The following BLOC1S6 variants were observed in gnomAD, a reference collection of about 807,000 sequenced individuals.
BLOC1S6 encodes biogenesis of lysosomal organelles complex 1 subunit 6, also known as biogenesis of lysosome-related organelles complex 1 subunit 6.
BLOC1S6 carries 24 observed loss-of-function variants against 24.7 expected under a neutral mutation model. That is an observed-to-expected ratio of 0.97 (90% confidence interval 0.70 to 1.37). The LOEUF (loss-of-function observed/expected upper bound fraction) is 1.37. Ranked by LOEUF, BLOC1S6 falls within the 40% of genes most tolerant of loss-of-function variation. The pLI is 0.00. For synonymous variants in BLOC1S6, 76 were observed against 72.6 expected (o/e 1.05, Z -0.23); for missense variants, 175 against 196.2 (o/e 0.89, Z 0.64).
rs1471200238 is a variant in BLOC1S6, at chr15:45,609,532, CAGTA to C, written c.*3023_*3026del. The C allele has an allele frequency of 6.6e-6, 1 of 152,064 alleles. No homozygotes were observed. The highest frequency in any genetic ancestry group is 2.4e-5 in the African/African-American group (1 of 41,390). 9.4% of individuals were successfully genotyped at this position (152,064 alleles called of 1,614,324 possible). A position where few individuals can be genotyped will look rare whatever the true frequency, so the allele number is the denominator to read the frequency against. Reference sequence around the variant, plus strand: ...GGGAGTTCATTTTGTATTTACTTTGCAGTAAGTATCATGTAAATATGCAAATGTT... The same window carrying C: ...GGGAGTTCATTTTGTATTTACTTTGCAGTATCATGTAAATATGCAAATGTT... On this transcript the variant is annotated 3_prime_UTR_variant, in exon 5 of 5. Transcript: ENST00000220531.
chr15:45,608,734 T>A lies in BLOC1S6; in HGVS notation c.*2220T>A, dbSNP rs1894571118. The A allele has an allele frequency of 6.6e-6, 1 of 152,178 alleles. No homozygotes were observed. The highest frequency in any genetic ancestry group is 1.5e-5 in the Non-Finnish European group (1 of 68,026). 9.4% of individuals were successfully genotyped at this position (152,178 alleles called of 1,614,324 possible). ...TATGATGTGGATCCTACGTATTTTT[T>A]AAAAAACTCTCCAGATAATTTTGAT... is the stretch of plus-strand genomic sequence containing the variant. On this transcript the variant is annotated 3_prime_UTR_variant, in exon 5 of 5. Coordinates refer to ENST00000220531, the MANE Select transcript of BLOC1S6 (RefSeq NM_012388.4).
At chr15:45,587,197 C>G, upstream of BLOC1S6, 1 of 573,102 alleles carries the variant, frequency 1.7e-6, no homozygotes, top group Non-Finnish European at 3.1e-6. Context: ...GGGACTCGAG[C>G]CCCACACTGC....
intron 2 of BLOC1S6, among the ~76,000 whole-genome samples, chr15:45,594,142 T>C (rs1468455258): frequency 6.6e-6 from 1 of 152,110 alleles, no homozygotes; most frequent in African/African-American, 2.4e-5. Context: ...AAACCTTTGG[T>C]AAAGCCTCTT....
intron 2 of BLOC1S6, among the ~76,000 whole-genome samples, chr15:45,601,633 T>C (rs1235067467): frequency 6.8e-6 from 1 of 146,880 alleles, no homozygotes; most frequent in Non-Finnish European, 1.5e-5. Flanking sequence ...ACTAATACTT[T>C]GGGGTTTTTT....
At chr15:45,604,971 T>C (rs983270704) in intron 3 of BLOC1S6, among the ~76,000 whole-genome samples, 1 of 152,190 alleles carries the variant, frequency 6.6e-6, no homozygotes, top group Non-Finnish European at 1.5e-5. Context: ...TCCACAGTCC[T>C]TTCTGTCCAG....
Position 45,603,150 on chromosome 15 carries a change from T to G in BLOC1S6, c.275T>G (p.Phe92Cys), listed in dbSNP as rs766453080. ...LDTLEQEISK[F>C]KECHSMLDIN... is the part of the protein sequence containing the mutation. ...ACACTGGAACAAGAGATTTCAAAAT[T>G]TAAAGAATGTCATTCTATGTTGGAT... Residue 92 changes from phenylalanine to cysteine, a missense_variant, in exon 3 of 5, where the codon TTT (phenylalanine) becomes TGT (cysteine). Coordinates refer to ENST00000220531, the MANE Select transcript of BLOC1S6 (RefSeq NM_012388.4). 1.9e-6 allele frequency: 3 copies of G among 1,611,002 alleles called. No homozygotes were observed. In the Admixed American group the frequency reaches 5.0e-5, roughly 27 times the overall value.
intron 4 of BLOC1S6, 134 bp downstream of exon 4, chr15:45,605,648 GGT>G: frequency 4.4e-6 from 3 of 688,012 alleles, no homozygotes; most frequent in South Asian, 1.7e-5. Flanking sequence ...GGAGTGCAAT[GGT>G]GCAATCTCGG....
chr15:45,603,255 CA>C, intron 3 of BLOC1S6, 68 bp downstream of exon 3: 16 of 965,876 alleles, frequency 1.7e-5, no homozygotes, highest in African/African-American at 4.0e-5. Flanking sequence ...CTTAGCTAAG[CA>C]ATAGCTAAGA....
At position 45,592,143 on chromosome 15, in the gene BLOC1S6, G is replaced by A; in HGVS notation, c.91G>A (p.Asp31Asn). ...EAGEPTPGLS[D>N]TSPDEGLIED... is the part of the protein sequence containing the mutation. The stretch of plus-strand genomic sequence containing the variant: ...ATTTTTGCTGGGGACAGGTTTAAGT[G>A]ACACTTCTCCAGATGAAGGGTTAAT... Residue 31 changes from aspartate (D) to asparagine (N), a missense_variant, in exon 2 of 5, where the codon GAC becomes AAC. Physicochemically the swap from Asp to Asn is conservative, Grantham distance 23 (BLOSUM62 1). Transcript: ENST00000220531. 1 of 1,614,092 alleles carries A rather than the reference G, an allele frequency of 6.2e-7. No homozygotes were observed. The highest frequency in any genetic ancestry group is 8.5e-7 in the Non-Finnish European group (1 of 1,180,026).
At chr15:45,591,836 A>G (rs926293140) in intron 1 of BLOC1S6, 16 of 351,450 alleles carry the variant, frequency 4.6e-5, no homozygotes, top group Non-Finnish European at 8.4e-5. Context: ...CATTTTTTAG[A>G]GGAAGCTCAG....
intron 1 of BLOC1S6, among the ~76,000 whole-genome samples, chr15:45,590,388 A>C (rs548043750): frequency 6.0e-5 from 9 of 150,604 alleles, no homozygotes; most frequent in East Asian, 5.8e-4. Context: ...CGAATATGAT[A>C]GCATGTTGTT....
chr15:45,597,806 G>T, intron 2 of BLOC1S6: 1 of 237,488 alleles, frequency 4.2e-6, no homozygotes. Flanking sequence ...AATCATCTGG[G>T]AACAAAGACA....
At chr15:45,595,888 A>G (rs993331029) in intron 2 of BLOC1S6, among the ~76,000 whole-genome samples, 4 of 151,310 alleles carry the variant, frequency 2.6e-5, no homozygotes, top group African/African-American at 7.3e-5. Flanking sequence ...GCTCACCACA[A>G]CGTCTGCCTC....
rs1326490602 is a variant in BLOC1S6 at position 45,606,446 on chromosome 15, G to C, written c.451G>C (p.Glu151Gln). The C allele has an allele frequency of 1.2e-6, 2 of 1,614,074 alleles. No homozygotes were observed. Among genetic ancestry groups the C allele is most frequent in the East Asian group, 2.2e-5 (1 of 44,882 alleles). ...GAGGCAAAAAGAAGAGTTGGAAAGG[G>C]AGCAGCAACGAGAGAAGGAGTTTGA... ...QKRQKEELER[E>Q]QQREKEFERE... Residue 151 changes from glutamate (E) to glutamine (Q), a missense_variant, in exon 5 of 5, where the codon GAG becomes CAG. Glu to Gln is a conservative substitution (Grantham distance 29, BLOSUM62 2). Coordinates refer to ENST00000220531, the MANE Select transcript of BLOC1S6 (RefSeq NM_012388.4).
chr15:45,587,226 G>C (rs1893703025), upstream of BLOC1S6: 1 of 614,698 alleles, frequency 1.6e-6, no homozygotes, highest in Non-Finnish European at 2.9e-6. Flanking sequence ...CTGACACTGC[G>C]TCCGGGGCCA....
At chr15:45,601,427 A>G (rs776211881) in intron 2 of BLOC1S6, 159 of 154,190 alleles carry the variant, frequency 1.0e-3, no homozygotes, top group Admixed American at 3.0e-3. Flanking sequence ...TACTGATTCA[A>G]TTTGTCTAAT....
At chr15:45,595,459 T>C (rs757045571) in intron 2 of BLOC1S6, among the ~76,000 whole-genome samples, 4 of 152,214 alleles carry the variant, frequency 2.6e-5, no homozygotes, top group Non-Finnish European at 5.9e-5. Flanking sequence ...TCAGATCTTT[T>C]GCTCATTTTA....
intron 1 of BLOC1S6, among the ~76,000 whole-genome samples, chr15:45,588,152 G>A (rs1182302900): frequency 6.6e-6 from 1 of 152,212 alleles, no homozygotes; most frequent in African/African-American, 2.4e-5. Flanking sequence ...AAAGGCTGCA[G>A]GGCTCCTTGG....
At chr15:45,587,354 T>C, upstream of BLOC1S6, 1 of 1,292,062 alleles carries the variant, frequency 7.7e-7, no homozygotes, top group Non-Finnish European at 1.1e-6. Context: ...CAATCTCTTC[T>C]GTCCGGCCAG....
Sources: allele counts gnomAD v4.1 joint callset (sites outside exome capture counted in the v4.1 genomes callset), GRCh38; gene constraint gnomAD v4.1.1; transcripts MANE v1.5; gene names NCBI Gene and HGNC (gene_info 2026-07-23, HGNC 2026-07-21).